The following THSD4 variants were observed in gnomAD, a reference collection of about 807,000 sequenced individuals.
THSD4 encodes thrombospondin type 1 domain containing 4, also known as thrombospondin type-1 domain-containing protein 4.
A neutral mutation model predicts 119.0 loss-of-function variants in THSD4; 69 were observed. The observed-to-expected ratio is 0.58, with a 90% CI of 0.48 to 0.71. The LOEUF (loss-of-function observed/expected upper bound fraction) is 0.71. Among genes scored for constraint, THSD4 ranks in the 30% least tolerant of loss-of-function variants. THSD4 has a pLI of 0.00. For missense variants in THSD4, 1,393 were observed against 1,391.1 expected, an observed-to-expected ratio of 1.00 and a Z score of -0.02; for synonymous variants, 524 against 540.4, an observed-to-expected ratio of 0.97 and a Z score of 0.42.
chr15:71,229,578 G>C (rs1385605891), intron 4 of THSD4, among the ~76,000 whole-genome samples: 2 of 152,170 alleles, frequency 1.3e-5, no homozygotes, highest in Non-Finnish European at 2.9e-5. Context: ...AAAAGTCTAT[G>C]CATGTTCAAT....
chr15:71,242,696 A>G lies in THSD4; in HGVS notation c.512A>G (p.Lys171Arg). 2.5e-6 allele frequency: 4 copies of G among 1,614,130 alleles called. No individual in the cohort carries two copies. The highest frequency in any genetic ancestry group is 3.4e-6 in the Non-Finnish European group (4 of 1,180,002). ...GGCCCTGGCAAGTATGGCTATGGTA[A>G]GGCCCCATATATCTTACCACTGCAG... ...TIGPGKYGYG[K>R]APYILPLQTD... is the part of the protein sequence containing the mutation. Residue 171 changes from lysine (K) to arginine (R), a missense_variant, in exon 5 of 18, where the codon AAG becomes AGG. Physicochemically the swap from Lys to Arg is conservative, Grantham distance 26. Coordinates refer to ENST00000261862, the MANE Select transcript of THSD4 (RefSeq NM_024817.3).
intron 7 of THSD4, among the ~76,000 whole-genome samples, chr15:71,535,877 T>C (rs935486646): frequency 6.6e-6 from 1 of 152,220 alleles, no homozygotes; most frequent in African/African-American, 2.4e-5. Flanking sequence ...ATTCTGTGGA[T>C]TGCCTTTTCA....
chr15:71,195,271 T>C (rs1173413782), intron 3 of THSD4, among the ~76,000 whole-genome samples: 5 of 152,078 alleles, frequency 3.3e-5, no homozygotes, highest in African/African-American at 9.7e-5. Flanking sequence ...AATAAGTCAA[T>C]CCTAGGAAGG....
intron 6 of THSD4, among the ~76,000 whole-genome samples, chr15:71,330,259 A>G (rs566633215): frequency 1.3e-5 from 2 of 152,178 alleles, no homozygotes; most frequent in Middle Eastern, 3.4e-3. Context: ...CTTCCTAGCT[A>G]TAGGACCTTT....
intron 8 of THSD4, among the ~76,000 whole-genome samples, chr15:71,663,182 G>A (rs923531908): frequency 1.3e-5 from 2 of 152,070 alleles, no homozygotes; most frequent in African/African-American, 4.8e-5. Flanking sequence ...GGCCCAAGAG[G>A]TCAGGGCTGC....
chr15:71,577,097 A>G (rs1022388931), intron 7 of THSD4, among the ~76,000 whole-genome samples: 5 of 152,152 alleles, frequency 3.3e-5, no homozygotes, highest in African/African-American at 2.4e-5. Flanking sequence ...CTAACAAAAA[A>G]AAAAAAAACC....
At chr15:71,265,484 C>G (rs1442866635) in intron 6 of THSD4, among the ~76,000 whole-genome samples, 1 of 152,150 alleles carries the variant, frequency 6.6e-6, no homozygotes, top group African/African-American at 2.4e-5. Flanking sequence ...CCTCGGGTGC[C>G]TACACCACCA....
intron 3 of THSD4, among the ~76,000 whole-genome samples, chr15:71,164,610 A>G (rs2043274549): frequency 6.6e-6 from 1 of 152,182 alleles, no homozygotes; most frequent in Non-Finnish European, 1.5e-5. Context: ...CTAAAGACAC[A>G]TTCGGTAGTG....
chr15:71,140,496 A>G (rs180929744), intron 1 of THSD4, among the ~76,000 whole-genome samples: 11 of 152,282 alleles, frequency 7.2e-5, no homozygotes, highest in Admixed American at 3.3e-4. Flanking sequence ...GACACCTCCA[A>G]TGGACCCCAC....
chr15:71,240,918 GATTA>G (rs2044147726), intron 4 of THSD4, among the ~76,000 whole-genome samples: 4 of 151,904 alleles, frequency 2.6e-5, no homozygotes, highest in Admixed American at 2.0e-4. Flanking sequence ...GTGTTGCCAA[GATTA>G]ATTGAGAAAG....
rs147284794 is a variant in THSD4 at position 71,339,196 on chromosome 15, T to C, written c.1016-72491T>C. On this transcript the variant is annotated intron_variant, in intron 6 of 17. Coordinates refer to ENST00000261862, the MANE Select transcript of THSD4 (RefSeq NM_024817.3). ...GCATTTTAGCATTCTTAGTATGTTT[T>C]ATCTCCATTAAACTTTTTCAGTGTT... 6.6e-5 allele frequency among the ~76,000 whole-genome samples: 10 copies of C among 152,372 alleles called. No homozygotes were observed. In the East Asian group the frequency reaches 1.7e-3, roughly 26 times the overall value.
intron 6 of THSD4, among the ~76,000 whole-genome samples, chr15:71,383,451 G>A (rs1403711157): frequency 1.3e-5 from 2 of 152,150 alleles, no homozygotes; most frequent in Non-Finnish European, 2.9e-5. Context: ...ATACTTTAAG[G>A]CCTACTTAAG....
intron 7 of THSD4, among the ~76,000 whole-genome samples, chr15:71,649,418 G>C (rs2051039128): frequency 6.6e-6 from 1 of 152,062 alleles, no homozygotes. Context: ...GGGATTACAG[G>C]TGCCCACCAA....
chr15:71,443,447 T>G (rs1233715178), intron 7 of THSD4, among the ~76,000 whole-genome samples: 1 of 152,180 alleles, frequency 6.6e-6, no homozygotes, highest in Non-Finnish European at 1.5e-5. Flanking sequence ...TCTCTCTCTA[T>G]GTATATATGA....
chr15:71,288,857 G>C (rs972301030), intron 6 of THSD4, among the ~76,000 whole-genome samples: 1 of 152,188 alleles, frequency 6.6e-6, no homozygotes, highest in Non-Finnish European at 1.5e-5. Flanking sequence ...ACAATACCAA[G>C]ACCTTCCGGG....
chr15:71,761,180 T>A (rs2053621539), intron 15 of THSD4, among the ~76,000 whole-genome samples: 1 of 152,160 alleles, frequency 6.6e-6, no homozygotes, highest in African/African-American at 2.4e-5. Context: ...TAGTCAGGTT[T>A]TCTTAATTCC....
At chr15:71,480,212 A>AT (rs1361842013) in intron 7 of THSD4, among the ~76,000 whole-genome samples, 3 of 151,946 alleles carry the variant, frequency 2.0e-5, no homozygotes, top group Non-Finnish European at 4.4e-5. Context: ...AATTTTTGTT[A>AT]TTTTTTGTAG....
At chr15:71,529,039 A>T (rs2048570559) in intron 7 of THSD4, among the ~76,000 whole-genome samples, 1 of 152,136 alleles carries the variant, frequency 6.6e-6, no homozygotes. Flanking sequence ...TTGAAGTTGG[A>T]TGTAGCCAAT....
chr15:71,753,424 T>A (rs2053484613), intron 14 of THSD4, among the ~76,000 whole-genome samples: 1 of 152,242 alleles, frequency 6.6e-6, no homozygotes, highest in African/African-American at 2.4e-5. Context: ...ATTTAAATTA[T>A]AAGAAATGAT....
Sources: gnomAD v4.1 joint callset for allele counts (sites outside exome capture counted in the v4.1 genomes callset) on GRCh38, gnomAD v4.1.1 for gene constraint, MANE v1.5 for transcripts, NCBI Gene and HGNC (gene_info 2026-07-23, HGNC 2026-07-21) for gene names.